The following RSRC1 variants were observed in gnomAD, a reference collection of about 807,000 sequenced individuals.
The protein encoded by RSRC1 is serine/Arginine-related protein 53.
RSRC1 carries 39 observed loss-of-function variants against 49.1 expected under a neutral mutation model. That is an observed-to-expected ratio of 0.79 (90% CI 0.61 to 1.04). The LOEUF is 1.04. RSRC1 is among the 50% of genes least tolerant of loss of function. The probability of loss-of-function intolerance (pLI) is 0.00; values close to 1 mark genes in which losing one functional copy is unlikely to be tolerated. For missense variants in RSRC1, 388 were observed against 402.4 expected (o/e 0.96, Z 0.31); for synonymous variants, 143 against 130.8 (o/e 1.09, Z -0.63).
At chr3:158,158,639 C>A (rs1718024866) in intron 3 of RSRC1, among the ~76,000 whole-genome samples, 1 of 152,016 alleles carries the variant, frequency 6.6e-6, no homozygotes, top group Admixed American at 6.6e-5. Flanking sequence ...TTTTTTGTCT[C>A]TTTAGAAATA....
At chr3:158,157,178 T>G (rs553723118) in intron 3 of RSRC1, among the ~76,000 whole-genome samples, 2 of 152,222 alleles carry the variant, frequency 1.3e-5, no homozygotes, top group Non-Finnish European at 2.9e-5. Context: ...AAACTGAAAC[T>G]TTGTTAACAT....
chr3:158,258,780 G>A (rs1178765413), intron 4 of RSRC1, among the ~76,000 whole-genome samples: 1 of 151,718 alleles, frequency 6.6e-6, no homozygotes, highest in African/African-American at 2.4e-5. Context: ...TTTTCAAATA[G>A]CCTGTCTCCA....
At chr3:158,112,844 G>A (rs1168683281) in intron 1 of RSRC1, among the ~76,000 whole-genome samples, 1 of 151,946 alleles carries the variant, frequency 6.6e-6, no homozygotes, top group African/African-American at 2.4e-5. Flanking sequence ...CCCCTCCCAG[G>A]TCCATGTGTT....
intron 4 of RSRC1, among the ~76,000 whole-genome samples, chr3:158,275,228 C>G (rs1725742749): frequency 6.6e-6 from 1 of 152,194 alleles, no homozygotes; most frequent in African/African-American, 2.4e-5. Flanking sequence ...TGGCACTGAA[C>G]CAGGAGCTTT....
chr3:158,421,155 C>T (rs1735027308), intron 6 of RSRC1, among the ~76,000 whole-genome samples: 1 of 151,778 alleles, frequency 6.6e-6, no homozygotes, highest in Non-Finnish European at 1.5e-5. Context: ...ATATTAGAAC[C>T]TTGGTACATT....
intron 7 of RSRC1, among the ~76,000 whole-genome samples, chr3:158,494,102 G>T (rs2108450512): frequency 6.6e-6 from 1 of 152,190 alleles, no homozygotes; most frequent in African/African-American, 2.4e-5. Context: ...TATTGACAGG[G>T]ATACATTCTG....
At chr3:158,487,962 A>AAAAAAAC (rs1738895188) in intron 7 of RSRC1, among the ~76,000 whole-genome samples, 1 of 147,704 alleles carries the variant, frequency 6.8e-6, no homozygotes, top group Non-Finnish European at 1.5e-5. Context: ...AAAAAAAAAA[A>AAAAAAAC]AAAAAAAAAA....
At chr3:158,423,570 G>A (rs999439484) in intron 6 of RSRC1, among the ~76,000 whole-genome samples, 4 of 152,028 alleles carry the variant, frequency 2.6e-5, no homozygotes, top group African/African-American at 9.7e-5. Context: ...GCTCTTTTTT[G>A]GTTCCAAATG....
intron 6 of RSRC1, among the ~76,000 whole-genome samples, chr3:158,406,409 G>C (rs1320628431): frequency 6.6e-6 from 1 of 151,996 alleles, no homozygotes; most frequent in Admixed American, 6.6e-5. Context: ...CTCTGCAAGA[G>C]CAAGTTTTAA....
At chr3:158,252,859 A>G (rs142015393) in intron 4 of RSRC1, among the ~76,000 whole-genome samples, 3 of 152,042 alleles carry the variant, frequency 2.0e-5, no homozygotes, top group Non-Finnish European at 2.9e-5. Flanking sequence ...TAGGTTTTCC[A>G]ATTTCTTGGC....
intron 7 of RSRC1, among the ~76,000 whole-genome samples, chr3:158,498,613 C>G (rs192594473): frequency 1.3e-5 from 2 of 152,196 alleles, no homozygotes; most frequent in East Asian, 3.9e-4. Flanking sequence ...ATTGCATTTG[C>G]TTTTGGGTTC....
chr3:158,342,128 A>G (rs1730279641), intron 5 of RSRC1, among the ~76,000 whole-genome samples: 1 of 152,102 alleles, frequency 6.6e-6, no homozygotes. Context: ...GTCTCAGATG[A>G]TACTTTGGAC....
intron 5 of RSRC1, among the ~76,000 whole-genome samples, chr3:158,322,487 A>G (rs1728818511): frequency 6.6e-6 from 1 of 152,090 alleles, no homozygotes; most frequent in Admixed American, 6.5e-5. Context: ...TTTTACTTGT[A>G]TGTGTCATGA....
intron 7 of RSRC1, among the ~76,000 whole-genome samples, chr3:158,523,980 T>G (rs757738746): frequency 6.6e-6 from 1 of 152,082 alleles, no homozygotes; most frequent in Non-Finnish European, 1.5e-5. Context: ...TGCTTTTGAT[T>G]AGACTGGACC....
At chr3:158,116,015 A>G (rs775606409) in intron 1 of RSRC1, among the ~76,000 whole-genome samples, 1 of 152,202 alleles carries the variant, frequency 6.6e-6, no homozygotes, top group Non-Finnish European at 1.5e-5. Flanking sequence ...TGCATTGGCC[A>G]TTTGGAAAAT....
chr3:158,259,944 T>A (rs79464869), intron 4 of RSRC1, among the ~76,000 whole-genome samples: 2,072 of 152,096 alleles, frequency 0.014, 22 homozygotes, highest in Middle Eastern at 0.031. Flanking sequence ...GTGGTTAATG[T>A]TGCCATGTCT....
At chr3:158,297,995 C>G (rs1727332506) in intron 4 of RSRC1, 44 bp from the exon 5 acceptor site, 1 of 1,413,150 alleles carries the variant, frequency 7.1e-7, no homozygotes, top group African/African-American at 1.4e-5. Context: ...TTAGAGCAGA[C>G]AAGGATTTAG....
intron 6 of RSRC1, among the ~76,000 whole-genome samples, chr3:158,427,555 A>G (rs1735519127): frequency 6.6e-6 from 1 of 151,802 alleles, no homozygotes; most frequent in Non-Finnish European, 1.5e-5. Context: ...TTTTTAATGT[A>G]TTTGTTAATT....
intron 7 of RSRC1, among the ~76,000 whole-genome samples, chr3:158,515,892 G>A (rs899960882): frequency 6.6e-5 from 10 of 151,200 alleles, no homozygotes; most frequent in South Asian, 2.1e-4. Context: ...TGATCACATC[G>A]GCTCCTGAGG....
Sources: gnomAD v4.1 joint callset for allele counts (sites outside exome capture counted in the v4.1 genomes callset) on GRCh38, gnomAD v4.1.1 for gene constraint, MANE v1.5 for transcripts, NCBI Gene and HGNC (gene_info 2026-07-23, HGNC 2026-07-21) for gene names.